TXLNA: variants seen among roughly 807,000 people sequenced by gnomAD.
The protein encoded by TXLNA is alpha-taxilin.
Under a neutral mutation model 61.4 loss-of-function variants are expected in TXLNA, and 9 were observed. The ratio of observed to expected loss-of-function variants is 0.15; its 90% CI spans 0.09 to 0.26. TXLNA has a LOEUF of 0.26. Among genes scored for constraint, TXLNA ranks in the 10% least tolerant of loss-of-function variants. TXLNA has a pLI of 1.00. For missense variants in TXLNA, 565 were observed against 688.8 expected, an observed-to-expected ratio of 0.82 and a Z score of 2.01; for synonymous variants, 257 against 267.7, an observed-to-expected ratio of 0.96 and a Z score of 0.39.
rs1437242494 is a variant in TXLNA at position 32,181,349 on chromosome 1, G to A, written c.277G>A (p.Gly93Arg). The A allele has an allele frequency of 1.2e-6, 2 of 1,614,186 alleles. No individual in the cohort carries two copies. Among genetic ancestry groups the A allele is most frequent in the Non-Finnish European group, 1.7e-6 (2 of 1,180,036 alleles). Residue 93 changes from glycine (G) to arginine (R), a missense_variant, in exon 3 of 11, where the codon GGG becomes AGG. Gly to Arg is a moderately radical substitution (Grantham distance 125). Around this residue, in one of 2 missense-constraint regions of TXLNA, gnomAD observed 192 missense variants for 184.8 expected, o/e 1.04. Transcript: ENST00000373610. ...LSTYCVDNNQGGPGEDGAQGE... is the reference protein window; with the variant it reads ...LSTYCVDNNQRGPGEDGAQGE... ...CACATACTGTGTGGACAATAACCAGGGGGGCCCCGGCGAGGATGGGGCACA... is the reference window on the plus strand; with the variant it reads ...CACATACTGTGTGGACAATAACCAGAGGGGCCCCGGCGAGGATGGGGCACA...
chr1:32,182,326 G>A (rs143841204), intron 3 of TXLNA, among the ~76,000 whole-genome samples: 14 of 152,090 alleles, frequency 9.2e-5, no homozygotes, highest in Admixed American at 2.6e-4. Flanking sequence ...CAGGCAATGG[G>A]GAATAGGCAG....
Position 32,192,554 on chromosome 1 carries a change from G to T in TXLNA, c.1084-103G>T. On this transcript the variant is annotated intron_variant, in intron 7 of 10. Coordinates refer to ENST00000373610, the MANE Select transcript of TXLNA (RefSeq NM_175852.4). This position sits in a 1 kb window ranked among gnomAD's most constrained non-coding sequence, Gnocchi z 4.2. ...CCAGGCACAGATTCCTTGAGTACCA[G>T]TCTGAGAGCAGGAAGCCTCAGTGGG... is the stretch of plus-strand genomic sequence containing the variant. The T allele has an allele frequency of 1.9e-6, 3 of 1,592,484 alleles. No homozygotes were observed. The highest frequency in any genetic ancestry group is 2.2e-5 in the East Asian group (1 of 44,716).
chr1:32,184,465 C>T, intron 3 of TXLNA, 60 bp from the exon 4 acceptor site: 2 of 1,144,124 alleles, frequency 1.7e-6, no homozygotes, highest in East Asian at 2.4e-5. Flanking sequence ...GAGTGTGAGC[C>T]CAGGCCTGGA....
Position 32,180,444 on chromosome 1 carries a change from G to A in TXLNA, c.99G>A (p.Arg33=), listed in dbSNP as rs1316934638. Residue 33 remains arginine (R), a synonymous_variant, in exon 2 of 11, where the codon CGG becomes CGA. Coordinates refer to ENST00000373610, the MANE Select transcript of TXLNA (RefSeq NM_175852.4). ...PEAGPEGAQE[R]PSQAAPAVEA... ...CAGGACCCGAGGGAGCCCAGGAGCG[G>A]CCCAGCCAGGCGGCTCCTGCAGTAG... 1 of 1,613,410 alleles carries A rather than the reference G, an allele frequency of 6.2e-7. No individual in the cohort carries two copies. The highest frequency in any genetic ancestry group is 1.1e-5 in the South Asian group (1 of 91,042).
At chr1:32,180,913 T>C (rs1284213941) in intron 2 of TXLNA, among the ~76,000 whole-genome samples, 1 of 152,264 alleles carries the variant, frequency 6.6e-6, no homozygotes, top group Admixed American at 6.5e-5. Flanking sequence ...GTGCCATCCC[T>C]GTGTGCTGAT....
At chr1:32,193,671 G>C (rs1002721114) in intron 9 of TXLNA, among the ~76,000 whole-genome samples, 3 of 152,056 alleles carry the variant, frequency 2.0e-5, no homozygotes, top group African/African-American at 7.3e-5. Context: ...CTCCTGACTA[G>C]CTGGAATTAC....
In TXLNA at chr1:32,186,757, T is replaced by G. The variant is rs76937649; in HGVS notation, c.598-1197T>G. On this transcript the variant is annotated intron_variant, in intron 4 of 10. Coordinates refer to ENST00000373610, the MANE Select transcript of TXLNA (RefSeq NM_175852.4). ...AGTCCTGGACTGGGATGCTGGAAAT[T>G]GAGATAGTGGGTGTGCTCTCTGGTA... Among the ~76,000 whole-genome samples, 762 of 152,206 alleles carry G rather than the reference T, an allele frequency of 5.0e-3. 3 individuals are homozygous for G. The highest frequency in any genetic ancestry group is 0.017 in the African/African-American group (722 of 41,526).
At chr1:32,191,029 G>A (rs1053036818) in intron 6 of TXLNA, among the ~76,000 whole-genome samples, 11 of 151,540 alleles carry the variant, frequency 7.3e-5, no homozygotes, top group Admixed American at 3.9e-4. Context: ...AGGAGGCAGA[G>A]GTTGCAATGA....
Position 32,197,723 on chromosome 1 carries a change from G to A in TXLNA, c.*2528G>A, listed in dbSNP as rs1643054804. 1 of 152,268 alleles carries A rather than the reference G, an allele frequency of 6.6e-6. No homozygotes were observed. Among genetic ancestry groups the A allele is most frequent in the South Asian group, 2.1e-4 (1 of 4,834 alleles). The allele number at this position is 152,268 out of a possible 1,614,324, so 9.4% of individuals were successfully genotyped here. A position where few individuals can be genotyped will look rare whatever the true frequency, so the allele number is the denominator to read the frequency against. On this transcript the variant is annotated 3_prime_UTR_variant, in exon 11 of 11. Coordinates refer to ENST00000373610, the MANE Select transcript of TXLNA (RefSeq NM_175852.4). This position sits in a 1 kb window ranked among gnomAD's most constrained non-coding sequence, Gnocchi z 4.6. ...GGACCACAGCAGGTGAAGCTCAAGAGCGCATGGCTCTGCTAATAGTAAATT... is the reference window on the plus strand; with the variant it reads ...GGACCACAGCAGGTGAAGCTCAAGAACGCATGGCTCTGCTAATAGTAAATT...
Position 32,180,529 on chromosome 1 carries a change from T to A in TXLNA, c.169+15T>A. ...GAAGCCGGAGGGTGTGTGCCAGCTC[T>A]GCGTTGCCAGCGGGCAGGGGGAGGA... On this transcript the variant is annotated intron_variant, in intron 2 of 10. Transcript: ENST00000373610. 6.3e-7 allele frequency: 1 copy of A among 1,583,330 alleles called. No individual in the cohort carries two copies. Among genetic ancestry groups the A allele is most frequent in the Non-Finnish European group, 8.6e-7 (1 of 1,165,610 alleles).
rs1214403862 is a variant in TXLNA, at chr1:32,191,404, CT to C, written c.964-905del. On this transcript the variant is annotated intron_variant, in intron 6 of 10. Transcript: ENST00000373610. ...GGCGCTCCCCTGACCCACCCCTTTCCTTGCCATACTTCATCCTCTGGGAACA... is the reference window on the plus strand; with the variant it reads ...GGCGCTCCCCTGACCCACCCCTTTCCTGCCATACTTCATCCTCTGGGAACA... Among the ~76,000 whole-genome samples the C allele has an allele frequency of 2.0e-5, 3 of 152,236 alleles. No individual in the cohort carries two copies. The East Asian group carries it at 5.8e-4, about 29-fold the overall frequency.
intron 5 of TXLNA, among the ~76,000 whole-genome samples, chr1:32,189,232 G>A (rs1402083489): frequency 2.6e-5 from 4 of 152,034 alleles, no homozygotes; most frequent in Non-Finnish European, 5.9e-5. Context: ...CTTATCTGTA[G>A]GATAAGTCAT....
rs191648650 is a variant in TXLNA, at chr1:32,190,847, C to G, written c.963+598C>G. ...GTGGCTCATGCCTGTAATCCCAACACTTTGGGAGGCCAAAGCGGGCGGATC... is the reference window on the plus strand; with the variant it reads ...GTGGCTCATGCCTGTAATCCCAACAGTTTGGGAGGCCAAAGCGGGCGGATC... On this transcript the variant is annotated intron_variant, in intron 6 of 10. Coordinates refer to ENST00000373610, the MANE Select transcript of TXLNA (RefSeq NM_175852.4). Among the ~76,000 whole-genome samples, 394 of 152,348 alleles carry G rather than the reference C, an allele frequency of 2.6e-3. 1 individual carries two copies. The highest frequency in any genetic ancestry group is 9.3e-3 in the African/African-American group (385 of 41,582).
intron 4 of TXLNA, among the ~76,000 whole-genome samples, chr1:32,185,670 G>T (rs1269175724): frequency 1.3e-5 from 2 of 149,664 alleles, no homozygotes; most frequent in Non-Finnish European, 3.0e-5. Flanking sequence ...AAAGTGCTGG[G>T]ATTACAGGCT....
At chr1:32,189,991 C>CT (rs1642869443) in intron 5 of TXLNA, 64 bp from the exon 6 acceptor site, 4 of 1,484,052 alleles carry the variant, frequency 2.7e-6, no homozygotes, top group Middle Eastern at 2.4e-4. Context: ...CATCTGTGGA[C>CT]TAGCTGGGGG....
intron 8 of TXLNA, 90 bp from the exon 9 acceptor site, chr1:32,193,118 G>A: frequency 1.1e-5 from 9 of 820,370 alleles, no homozygotes; most frequent in Non-Finnish European, 1.9e-5. Flanking sequence ...AGAATTACTG[G>A]TCAGAGAGTC....
At chr1:32,184,447 G>C (rs1642738222) in intron 3 of TXLNA, 78 bp from the exon 4 acceptor site, 1 of 906,958 alleles carries the variant, frequency 1.1e-6, no homozygotes, top group Admixed American at 1.9e-5. Flanking sequence ...GCTGTCTTCA[G>C]CACTCATGAG....
chr1:32,181,692 G>A (rs749952069), intron 3 of TXLNA, 115 bp downstream of exon 3: 657 of 1,029,674 alleles, frequency 6.4e-4, no homozygotes, highest in Non-Finnish European at 8.2e-4. Context: ...TCTCAGAGCA[G>A]CAAGTCACTC....
chr1:32,185,230 G>C (rs993164947), intron 4 of TXLNA, among the ~76,000 whole-genome samples: 1 of 152,068 alleles, frequency 6.6e-6, no homozygotes, highest in Non-Finnish European at 1.5e-5. Context: ...TAAATGCAAA[G>C]CATGCTCTTC....
Sources: allele counts gnomAD v4.1 joint callset (sites outside exome capture counted in the v4.1 genomes callset), GRCh38; gene constraint gnomAD v4.1.1; regional missense constraint gnomAD v4.1.1; non-coding constraint Gnocchi (gnomAD v3.1); transcripts MANE v1.5; gene names NCBI Gene and HGNC (gene_info 2026-07-23, HGNC 2026-07-21).